Variants in ANK2 observed in about 807,000 individuals in gnomAD.
ANK2 encodes ankyrin 2.
ANK2 carries 83 observed loss-of-function variants against 360.5 expected under a neutral mutation model. The ratio of observed to expected loss-of-function variants is 0.23; its 90% CI spans 0.19 to 0.28. The LOEUF is 0.28. Among genes scored for constraint, ANK2 ranks in the 10% least tolerant of loss-of-function variants. The pLI, the probability that ANK2 is intolerant of heterozygous loss-of-function variation, is 1.00. For synonymous variants in ANK2, 1,740 were observed against 1,759.5 expected (o/e 0.99, Z 0.28); for missense variants, 4,201 against 4,795.7 (o/e 0.88, Z 3.66).
At chr4:112,722,093 A>G in the ANK2 span, among the ~76,000 whole-genome samples, 4 of 152,216 alleles carry the variant, frequency 2.6e-5, no homozygotes, top group African/African-American at 9.6e-5. Flanking sequence ...TATTCGAGCC[A>G]TTTCTAAACA....
rs145892315 is a variant in ANK2, at chr4:113,244,797, G to A, written c.891+2588G>A. On this transcript the variant is annotated intron_variant, in intron 9 of 45. Transcript: ENST00000357077. ...CGTCCCCCAACAGGCCCCAGTGTGC[G>A]ATGTTCCCCTCCCTGTGTCCATGTG... is the stretch of plus-strand genomic sequence containing the variant. 3.4e-3 allele frequency among the ~76,000 whole-genome samples: 522 copies of A among 152,146 alleles called. 4 individuals carry two copies. The highest frequency in any genetic ancestry group is 0.012 in the African/African-American group (490 of 41,500).
intron 1 of ANK2, among the ~76,000 whole-genome samples, chr4:113,099,106 A>T (rs1263911058): frequency 6.6e-6 from 1 of 151,968 alleles, no homozygotes; most frequent in Non-Finnish European, 1.5e-5. Context: ...AACAAGTAAA[A>T]ATGTTTTCTC....
At chr4:112,932,774 AAAATTTCACTCATGT>A (rs1388047407) in intron 2 of ANK2, among the ~76,000 whole-genome samples, 1 of 152,162 alleles carries the variant, frequency 6.6e-6, no homozygotes, top group Admixed American at 6.5e-5. Flanking sequence ...AGAAAACATT[AAAATTTCACTCATGT>A]AAATGAGTGA....
intron 2 of ANK2, among the ~76,000 whole-genome samples, chr4:112,923,524 T>G (rs574559209): frequency 6.6e-6 from 1 of 152,132 alleles, no homozygotes; most frequent in Admixed American, 6.5e-5. Context: ...AAAAATAACA[T>G]GAGCTAGATA....
At chr4:113,069,989 C>T (rs964168920) in intron 1 of ANK2, 2 of 152,176 alleles carry the variant, frequency 1.3e-5, no homozygotes, top group Non-Finnish European at 2.9e-5. Context: ...CATCCGAAGT[C>T]CTGGGGGATG....
intron 14 of ANK2, among the ~76,000 whole-genome samples, chr4:113,271,541 C>T (rs1227504217): frequency 4.6e-5 from 7 of 151,732 alleles, no homozygotes; most frequent in East Asian, 1.9e-4. Context: ...TAACATTGCT[C>T]GAGAATTCAC....
the ANK2 span, among the ~76,000 whole-genome samples, chr4:112,725,583 C>T: frequency 1.3e-5 from 2 of 151,986 alleles, no homozygotes; most frequent in African/African-American, 4.8e-5. Flanking sequence ...TGGTCTTGAA[C>T]TCCTGACCTC....
the ANK2 span, among the ~76,000 whole-genome samples, chr4:112,766,191 G>C: frequency 6.6e-6 from 1 of 151,934 alleles, no homozygotes; most frequent in Non-Finnish European, 1.5e-5. Context: ...AATTAGCCGG[G>C]CGTGGTGGTG....
intron 1 of ANK2, among the ~76,000 whole-genome samples, chr4:113,131,858 A>G (rs1412960331): frequency 1.3e-5 from 2 of 152,224 alleles, no homozygotes; most frequent in East Asian, 1.9e-4. Flanking sequence ...ATGCATTTTC[A>G]TAGAAGATTC....
At position 113,358,882 on chromosome 4, in the gene ANK2, G is replaced by A. The variant is rs758710640; in HGVS notation, c.10264G>A (p.Glu3422Lys). ...ETETESRERA[E>K]ELELESEEGA... ...AGAAACAGAGAGCAGAGAGAGGGCC[G>A]AGGAACTTGAGTTAGAATCAGAAGA... is the stretch of plus-strand genomic sequence containing the variant. The change falls in exon 38 of 46, where the codon GAG becomes AAG. Residue 3422 changes from glutamate (E) to lysine (K), a missense_variant. By Grantham distance (56) the Glu-to-Lys change is moderately conservative. Coordinates refer to ENST00000357077, the MANE Select transcript of ANK2 (RefSeq NM_001148.6). 13 of 1,614,024 alleles carry A rather than the reference G, an allele frequency of 8.1e-6. No individual in the cohort carries two copies. The highest frequency in any genetic ancestry group is 1.0e-5 in the Non-Finnish European group (12 of 1,179,966).
In ANK2 at chr4:113,292,405, G is replaced by A. The variant is rs146312675; in HGVS notation, c.2278-11G>A. ...ATCGGGTGCTGGGCCCGCCACCACTGTCCTCCACAGAACGGCTACACGCCT... is the reference window on the plus strand; with the variant it reads ...ATCGGGTGCTGGGCCCGCCACCACTATCCTCCACAGAACGGCTACACGCCT... On this transcript the variant is annotated splice_polypyrimidine_tract_variant and intron_variant, in intron 20 of 45. Coordinates refer to ENST00000357077, the MANE Select transcript of ANK2 (RefSeq NM_001148.6). 12,329 of 1,606,854 alleles carry A rather than the reference G, an allele frequency of 7.7e-3. 80 individuals carry two copies. The highest frequency in any genetic ancestry group is 0.01 in the Non-Finnish European group (11,797 of 1,176,456).
At chr4:113,022,054 G>T (rs984940654) in intron 2 of ANK2, among the ~76,000 whole-genome samples, 1 of 152,014 alleles carries the variant, frequency 6.6e-6, no homozygotes, top group Non-Finnish European at 1.5e-5. Context: ...AAAATTTGGG[G>T]ATTCTTTGGT....
intron 1 of ANK2, among the ~76,000 whole-genome samples, chr4:112,852,872 C>T (rs191091417): frequency 1.3e-5 from 2 of 152,268 alleles, no homozygotes; most frequent in East Asian, 1.9e-4. Flanking sequence ...GACAGATCGT[C>T]GTCTAGGCTC....
chr4:112,832,549 C>T (rs1448409842), intron 1 of ANK2, among the ~76,000 whole-genome samples: 2 of 152,150 alleles, frequency 1.3e-5, no homozygotes, highest in African/African-American at 4.8e-5. Flanking sequence ...AAAAGCAGAG[C>T]CATTCAAATT....
intron 24 of ANK2, among the ~76,000 whole-genome samples, chr4:113,312,245 T>G (rs1357750127): frequency 6.1e-5 from 9 of 146,894 alleles, no homozygotes; most frequent in Admixed American, 4.8e-4. Flanking sequence ...AAGTCCAGGC[T>G]GGGCAACATA....
At chr4:113,235,276 T>C (rs1020814278) in intron 5 of ANK2, among the ~76,000 whole-genome samples, 2 of 152,166 alleles carry the variant, frequency 1.3e-5, no homozygotes, top group African/African-American at 4.8e-5. Flanking sequence ...AAATTCAGGC[T>C]ACTATTTTTC....
chr4:113,171,072 T>G (rs544118226), intron 1 of ANK2, among the ~76,000 whole-genome samples: 4 of 152,200 alleles, frequency 2.6e-5, no homozygotes, highest in Non-Finnish European at 5.9e-5. Flanking sequence ...TTCTCTTTAT[T>G]TTGCTTTTAT....
At chr4:112,875,918 T>C (rs1454710321) in intron 1 of ANK2, among the ~76,000 whole-genome samples, 2 of 149,724 alleles carry the variant, frequency 1.3e-5, no homozygotes, top group Non-Finnish European at 3.0e-5. Flanking sequence ...ATTTTTCTTT[T>C]TTCTTTTTTT....
At chr4:113,225,188 G>C (rs1266738977) in intron 4 of ANK2, among the ~76,000 whole-genome samples, 1 of 152,110 alleles carries the variant, frequency 6.6e-6, no homozygotes, top group Non-Finnish European at 1.5e-5. Context: ...TCTCTGATCT[G>C]TGTGCATGGG....
Sources: allele counts gnomAD v4.1 joint callset (sites outside exome capture counted in the v4.1 genomes callset), GRCh38; gene constraint gnomAD v4.1.1; transcripts MANE v1.5; gene names NCBI Gene and HGNC (gene_info 2026-07-23, HGNC 2026-07-21).